The following GCA variants were observed in gnomAD, a reference collection of about 807,000 sequenced individuals.
GCA encodes grancalcin, also known as grancalcin, EF-hand calcium-binding protein.
In GCA, 30 loss-of-function variants were observed where a neutral mutation model predicts 32.6. The observed-to-expected ratio is 0.92, with a 90% CI of 0.69 to 1.25. The LOEUF (loss-of-function observed/expected upper bound fraction) is 1.25, where lower values mean the gene tolerates loss of function less well. Among genes scored for constraint, GCA ranks in the 50% most tolerant of loss-of-function variants. The pLI is 0.00. For missense variants in GCA, 291 were observed against 266.8 expected, an observed-to-expected ratio of 1.09 and a Z score of -0.63; for synonymous variants, 102 against 84.6, an observed-to-expected ratio of 1.21 and a Z score of -1.13.
At chr2:162,350,928 CT>C (rs1452117024) in intron 2 of GCA, among the ~76,000 whole-genome samples, 13 of 152,096 alleles carry the variant, frequency 8.5e-5, no homozygotes, top group African/African-American at 2.9e-4. Flanking sequence ...TGAGTTCTAC[CT>C]AGCTTTGAGG....
At chr2:162,353,071 T>A (rs1027132002) in intron 3 of GCA, among the ~76,000 whole-genome samples, 1 of 152,332 alleles carries the variant, frequency 6.6e-6, no homozygotes, top group African/African-American at 2.4e-5. Context: ...TTTCCCCGTT[T>A]CTCTTGAGTT....
At chr2:162,328,548 A>G (rs1558884828) in intron 1 of GCA, among the ~76,000 whole-genome samples, 1 of 152,144 alleles carries the variant, frequency 6.6e-6, no homozygotes, top group Non-Finnish European at 1.5e-5. Context: ...CCACTGCTCA[A>G]ACCTCTAGGG....
chr2:162,361,479 C>A lies in GCA; in HGVS notation c.*1236C>A, dbSNP rs1033294666. The A allele has an allele frequency of 1.0e-6, 1 of 973,286 alleles. No homozygotes were observed. Among genetic ancestry groups the A allele is most frequent in the Non-Finnish European group, 1.2e-6 (1 of 819,290 alleles). The allele number at this position is 973,286 out of a possible 1,614,324, so 60.3% of individuals were successfully genotyped here. ...GTGACATAATTTTATGACTGCTGAC[C>A]AAATTAATTTATAGATTTTATAAAA... On this transcript the variant is annotated 3_prime_UTR_variant, in exon 8 of 8. Coordinates refer to ENST00000437150, the MANE Select transcript of GCA (RefSeq NM_012198.5).
intron 3 of GCA, among the ~76,000 whole-genome samples, chr2:162,353,898 A>AT (rs958577834): frequency 1.2e-4 from 18 of 147,068 alleles, no homozygotes; most frequent in South Asian, 2.1e-4. Context: ...TCCTCCTATC[A>AT]TTTTTTTTTG....
Position 162,347,629 on chromosome 2 carries a change from C to A in GCA, c.79C>A (p.Pro27Thr). Reference sequence around the variant, plus strand: ...AGGAATGCAGATGGGACAGCCAGTGCCAGAAACAGGCCCAGCTATACTCCT... The same window carrying A: ...AGGAATGCAGATGGGACAGCCAGTGACAGAAACAGGCCCAGCTATACTCCT... ...VPGMQMGQPV[P>T]ETGPAILLDG... Residue 27 changes from proline (P) to threonine (T), a missense_variant, in exon 2 of 8, where the codon CCA (proline) becomes ACA (threonine). By Grantham distance (38) the Pro-to-Thr change is conservative (BLOSUM62 -1). Transcript: ENST00000437150. 6.2e-7 allele frequency: 1 copy of A among 1,609,884 alleles called. No individual in the cohort carries two copies. Among genetic ancestry groups the A allele is most frequent in the Non-Finnish European group, 8.5e-7 (1 of 1,177,154 alleles).
chr2:162,345,052 G>C (rs1335415069), intron 1 of GCA, among the ~76,000 whole-genome samples: 5 of 133,892 alleles, frequency 3.7e-5, no homozygotes, highest in African/African-American at 1.3e-4. Context: ...TTGGGCTATG[G>C]TTGTGGTCTT....
At chr2:162,332,712 C>G (rs1396211091) in intron 1 of GCA, among the ~76,000 whole-genome samples, 1 of 151,378 alleles carries the variant, frequency 6.6e-6, no homozygotes, top group African/African-American at 2.5e-5. Context: ...TATACTTTTA[C>G]CAAAAAGGAA....
At chr2:162,323,652 T>G (rs1366244852) in intron 1 of GCA, among the ~76,000 whole-genome samples, 1 of 151,910 alleles carries the variant, frequency 6.6e-6, no homozygotes, top group African/African-American at 2.4e-5. Flanking sequence ...CCAGCACCAT[T>G]TATTAAATAG....
intron 1 of GCA, among the ~76,000 whole-genome samples, chr2:162,321,829 G>A (rs1160679581): frequency 7.1e-6 from 1 of 140,080 alleles, no homozygotes; most frequent in African/African-American, 2.6e-5. Context: ...AAGAAGAGAT[G>A]GTGCGGTGCT....
chr2:162,347,890 C>T, intron 2 of GCA, 148 bp downstream of exon 2: 1 of 429,090 alleles, frequency 2.3e-6, no homozygotes, highest in Non-Finnish European at 4.1e-6. Context: ...CAGAGATGAG[C>T]ATAGTCATAA....
rs573854053 is a variant in GCA, at chr2:162,351,785, A to G, written c.193-553A>G. ...CTCAACCTATTTCATTTCCATTGTGATTTCTTGTTTGCATTTTAAAACTTT... is the reference window on the plus strand; with the variant it reads ...CTCAACCTATTTCATTTCCATTGTGGTTTCTTGTTTGCATTTTAAAACTTT... On this transcript the variant is annotated intron_variant, in intron 2 of 7. Coordinates refer to ENST00000437150, the MANE Select transcript of GCA (RefSeq NM_012198.5). Among the ~76,000 whole-genome samples the G allele has an allele frequency of 4.7e-4, 72 of 152,190 alleles. 1 individual carries two copies. In the South Asian group the frequency reaches 0.011, roughly 24 times the overall value.
intron 1 of GCA, among the ~76,000 whole-genome samples, chr2:162,334,263 GA>G (rs925146640): frequency 4.6e-5 from 7 of 151,210 alleles, no homozygotes; most frequent in African/African-American, 1.7e-4. Context: ...TACAATTATA[GA>G]TTTTTTTTTT....
In GCA at chr2:162,360,206, T is replaced by G. The variant is rs1474289329; in HGVS notation, c.628-11T>G. ...TATTCTTAATAGATAATAATTTCAC[T>G]TATGTATTAGTTTTTGCAGGGCACT... On this transcript the variant is annotated splice_polypyrimidine_tract_variant and intron_variant, in intron 7 of 7. Coordinates refer to ENST00000437150, the MANE Select transcript of GCA (RefSeq NM_012198.5). 1 of 1,452,080 alleles carries G rather than the reference T, an allele frequency of 6.9e-7. No homozygotes were observed. The highest frequency in any genetic ancestry group is 1.8e-5 in the Admixed American group (1 of 56,624). 89.9% of individuals were successfully genotyped at this position (1,452,080 alleles called of 1,614,324 possible). A position where few individuals can be genotyped will look rare whatever the true frequency, so the allele number is the denominator to read the frequency against.
chr2:162,369,286 C>T lies in GCA; in HGVS notation c.366-2020C>T, dbSNP rs182556810. Among the ~76,000 whole-genome samples the T allele has an allele frequency of 2.6e-5, 4 of 152,146 alleles. No homozygotes were observed. The East Asian group carries it at 7.8e-4, about 30-fold the overall frequency. ...ATAATTGCTTTGGTCATCTGTAAGT[C>T]ACTTTAGCCATTGAGTCTTCTGACA... is the stretch of plus-strand genomic sequence containing the variant. On this transcript the variant is annotated intron_variant, in intron 4 of 4. Coordinates refer to the GCA transcript ENST00000414723.
chr2:162,332,704 T>C (rs1684140421), intron 1 of GCA, among the ~76,000 whole-genome samples: 1 of 151,572 alleles, frequency 6.6e-6, no homozygotes, highest in Admixed American at 6.6e-5. Flanking sequence ...GAGTTTCTTA[T>C]ACTTTTACCA....
upstream of GCA, among the ~76,000 whole-genome samples, chr2:162,342,119 TA>T (rs372485028): frequency 9.5e-4 from 144 of 152,178 alleles, 3 homozygotes; most frequent in East Asian, 0.024. Context: ...TACTGTTATT[TA>T]AAAAAAACTC....
chr2:162,336,278 C>A (rs935605740), intron 1 of GCA, among the ~76,000 whole-genome samples: 7 of 152,192 alleles, frequency 4.6e-5, no homozygotes, highest in African/African-American at 1.2e-4. Context: ...TTGTTTCCTT[C>A]TAAACATGTA....
Position 162,361,675 on chromosome 2 carries a change from C to T in GCA, c.*1432C>T. The T allele has an allele frequency of 1.3e-5, 13 of 983,984 alleles. No individual in the cohort carries two copies. The highest frequency in any genetic ancestry group is 1.6e-5 in the Non-Finnish European group (13 of 828,860). The allele number at this position is 983,984 out of a possible 1,614,324, so 61.0% of individuals were successfully genotyped here. On this transcript the variant is annotated 3_prime_UTR_variant, in exon 8 of 8. Coordinates refer to ENST00000437150, the MANE Select transcript of GCA (RefSeq NM_012198.5). ...TAATTTGCTGTCAAATTCACTTGGT[C>T]AGTTTTATAAAAATGTGTGAATAGG...
At chr2:162,372,675 G>T (rs544829083), downstream of GCA, among the ~76,000 whole-genome samples, 1 of 151,924 alleles carries the variant, frequency 6.6e-6, no homozygotes, top group African/African-American at 2.4e-5. Context: ...TTTCCAGAAC[G>T]TCTTAAATTA....
Sources: allele counts gnomAD v4.1 joint callset (sites outside exome capture counted in the v4.1 genomes callset), GRCh38; gene constraint gnomAD v4.1.1; transcripts MANE v1.5; gene names NCBI Gene and HGNC (gene_info 2026-07-23, HGNC 2026-07-21).